The following CCDC6 variants were observed in gnomAD, a reference collection of about 807,000 sequenced individuals.
CCDC6 encodes the protein coiled-coil domain containing 6, also known as coiled-coil domain-containing protein 6.
A neutral mutation model predicts 56.6 loss-of-function variants in CCDC6; 20 were observed. That is an observed-to-expected ratio of 0.35 (90% CI 0.25 to 0.51). The LOEUF (loss-of-function observed/expected upper bound fraction) is 0.51. CCDC6 is among the 20% of genes least tolerant of loss of function. CCDC6 has a pLI of 0.95. For synonymous variants in CCDC6, 241 were observed against 234.4 expected (o/e 1.03, Z -0.26); for missense variants, 367 against 601.1 (o/e 0.61, Z 4.07).
At chr10:59,859,246 A>G (rs1167071088) in intron 1 of CCDC6, among the ~76,000 whole-genome samples, 35 of 145,624 alleles carry the variant, frequency 2.4e-4, no homozygotes, top group Non-Finnish European at 1.5e-5. Flanking sequence ...GTATGAAGGT[A>G]AAAGAATCTC....
At chr10:59,872,553 A>T (rs2071238480) in intron 1 of CCDC6, among the ~76,000 whole-genome samples, 1 of 152,150 alleles carries the variant, frequency 6.6e-6, no homozygotes, top group Admixed American at 6.5e-5. Flanking sequence ...TAAAAGACAC[A>T]CTGCTTTAAC....
At chr10:59,855,429 T>C (rs1230649283) in intron 1 of CCDC6, among the ~76,000 whole-genome samples, 2 of 152,086 alleles carry the variant, frequency 1.3e-5, no homozygotes, top group African/African-American at 4.8e-5. Context: ...TAGCTGAGCA[T>C]GGTGGTGAGC....
chr10:59,885,001 T>G (rs137997861), intron 1 of CCDC6, among the ~76,000 whole-genome samples: 1 of 149,702 alleles, frequency 6.7e-6, no homozygotes, highest in Non-Finnish European at 1.5e-5. Context: ...GAGACAGAGG[T>G]TGCAGTGAGT....
intron 5 of CCDC6, among the ~76,000 whole-genome samples, chr10:59,811,952 G>A (rs2132631266): frequency 6.6e-6 from 1 of 151,018 alleles, no homozygotes; most frequent in East Asian, 2.0e-4. Context: ...TAGTACAAAT[G>A]TATAATTGTG....
At chr10:59,839,990 T>C (rs1332302389) in intron 2 of CCDC6, among the ~76,000 whole-genome samples, 1 of 152,142 alleles carries the variant, frequency 6.6e-6, no homozygotes, top group Non-Finnish European at 1.5e-5. Flanking sequence ...CACACCCAGC[T>C]AATTTTTCTA....
chr10:59,809,885 G>A (rs957045885), intron 5 of CCDC6, among the ~76,000 whole-genome samples: 1 of 152,202 alleles, frequency 6.6e-6, no homozygotes, highest in Non-Finnish European at 1.5e-5. Context: ...AGGACTTACT[G>A]TATTTTAGTC....
chr10:59,814,500 G>A (rs1041880928), intron 4 of CCDC6, 152 bp downstream of exon 4: 10 of 575,322 alleles, frequency 1.7e-5, no homozygotes, highest in Admixed American at 3.0e-5. Context: ...TAGTTCAGAA[G>A]GCTTTCAACA....
At chr10:59,804,190 T>TA (rs58723922) in intron 7 of CCDC6, among the ~76,000 whole-genome samples, 82 of 146,512 alleles carry the variant, frequency 5.6e-4, no homozygotes, top group African/African-American at 8.5e-4. Flanking sequence ...CCTTTTAGAT[T>TA]AAAAAAAAAA....
intron 1 of CCDC6, among the ~76,000 whole-genome samples, chr10:59,898,660 C>T (rs1387330743): frequency 6.6e-6 from 1 of 152,220 alleles, no homozygotes; most frequent in Non-Finnish European, 1.5e-5. Context: ...GCAATCCTCG[C>T]TATGCTACCG....
rs186267675 is a variant in CCDC6, at chr10:59,833,410, T to C, written c.454-757A>G. On this transcript the variant is annotated intron_variant, in intron 2 of 8. Transcript: ENST00000263102. ...GCTGCAGTGAGCTGAGATAGTGCCA[T>C]TGCACTCCAGCTTGGACAACGAGAG... is the stretch of plus-strand genomic sequence containing the variant. Among the ~76,000 whole-genome samples the C allele has an allele frequency of 1.5e-3, 228 of 152,104 alleles. 2 individuals carry two copies. The highest frequency in any genetic ancestry group is 5.0e-3 in the African/African-American group (209 of 41,494).
intron 7 of CCDC6, among the ~76,000 whole-genome samples, chr10:59,801,753 A>T (rs2070578163): frequency 6.6e-6 from 1 of 152,118 alleles, no homozygotes; most frequent in African/African-American, 2.4e-5. Flanking sequence ...TTTGAATTAT[A>T]TTTTATTATA....
chr10:59,806,197 A>G (rs1394429721), intron 6 of CCDC6, among the ~76,000 whole-genome samples: 1 of 152,226 alleles, frequency 6.6e-6, no homozygotes, highest in Non-Finnish European at 1.5e-5. Flanking sequence ...CAGATTGAAC[A>G]TCTTTTTCCA....
At position 59,906,474 on chromosome 10, in the gene CCDC6, G is replaced by A; in HGVS notation, c.-50C>T. The stretch of plus-strand genomic sequence containing the variant: ...GGAGGAGCAGCAGGGAGGCGGCGGC[G>A]ACGAAGGCCGGGCTGCGAATGAGTG... On this transcript the variant is annotated 5_prime_UTR_variant, in exon 1 of 9. Transcript: ENST00000263102. 1 of 1,418,218 alleles carries A rather than the reference G, an allele frequency of 7.1e-7. No individual in the cohort carries two copies. Among genetic ancestry groups the A allele is most frequent in the South Asian group, 1.5e-5 (1 of 66,106 alleles). 87.9% of individuals were successfully genotyped at this position (1,418,218 alleles called of 1,614,324 possible). A position where few individuals can be genotyped will look rare whatever the true frequency, so the allele number is the denominator to read the frequency against.
At chr10:59,809,563 A>G (rs2070655856) in intron 5 of CCDC6, among the ~76,000 whole-genome samples, 1 of 152,138 alleles carries the variant, frequency 6.6e-6, no homozygotes, top group Non-Finnish European at 1.5e-5. Flanking sequence ...CCCTGCTGGC[A>G]CACAGCCTCA....
At chr10:59,847,817 C>CTTTTTTTTTTTTT (rs757902015) in intron 2 of CCDC6, among the ~76,000 whole-genome samples, 1 of 104,862 alleles carries the variant, frequency 9.5e-6, no homozygotes, top group Non-Finnish European at 1.9e-5. Context: ...GCCTTTTAGA[C>CTTTTTTTTTTTTT]TTTTTTTTTT....
intron 1 of CCDC6, among the ~76,000 whole-genome samples, chr10:59,892,526 G>T (rs1409005039): frequency 1.3e-5 from 2 of 152,088 alleles, no homozygotes; most frequent in Admixed American, 6.5e-5. Context: ...AACCACCCCC[G>T]CTCAGCTTTC....
chr10:59,886,604 A>AG (rs1266848247), intron 1 of CCDC6, among the ~76,000 whole-genome samples: 1 of 152,244 alleles, frequency 6.6e-6, no homozygotes, highest in African/African-American at 2.4e-5. Flanking sequence ...ATAAAATGTT[A>AG]GCAATATTTC....
chr10:59,826,564 G>T (rs2070789149), intron 3 of CCDC6, among the ~76,000 whole-genome samples: 1 of 152,142 alleles, frequency 6.6e-6, no homozygotes, highest in African/African-American at 2.4e-5. Context: ...GGCTTCTCAA[G>T]GCCAGGGACC....
At chr10:59,896,257 A>G (rs949123985) in intron 1 of CCDC6, among the ~76,000 whole-genome samples, 4 of 152,228 alleles carry the variant, frequency 2.6e-5, no homozygotes, top group Non-Finnish European at 5.9e-5. Flanking sequence ...AAAATAAAAA[A>G]TAAAAAGCAA....
Sources: gnomAD v4.1 joint callset for allele counts (sites outside exome capture counted in the v4.1 genomes callset) on GRCh38, gnomAD v4.1.1 for gene constraint, MANE v1.5 for transcripts, NCBI Gene and HGNC (gene_info 2026-07-23, HGNC 2026-07-21) for gene names.